DVL3: variants seen among roughly 807,000 people sequenced by gnomAD.
The protein encoded by DVL3 is dishevelled segment polarity protein 3.
In DVL3, 27 loss-of-function variants were observed where a neutral mutation model predicts 67.4. The ratio of observed to expected loss-of-function variants is 0.40; its 90% CI spans 0.30 to 0.55. DVL3 has a LOEUF of 0.55. Ranked by LOEUF, DVL3 falls within the 20% of genes least tolerant of loss-of-function variation. The pLI, the probability that DVL3 is intolerant of heterozygous loss-of-function variation, is 0.46. For missense variants in DVL3, 819 were observed against 1,021.5 expected (o/e 0.80, Z 2.70); for synonymous variants, 369 against 396.8 (o/e 0.93, Z 0.83).
At chr3:184,161,263 C>T (rs558800926) in intron 1 of DVL3, among the ~76,000 whole-genome samples, 17 of 152,244 alleles carry the variant, frequency 1.1e-4, no homozygotes, top group Non-Finnish European at 2.1e-4. Flanking sequence ...CCTATCTCTA[C>T]TAAAAATATA....
At position 184,171,002 on chromosome 3, in the gene DVL3, C is replaced by G; in HGVS notation, c.*247C>G. 6.8e-7 allele frequency: 1 copy of G among 1,464,130 alleles called. No homozygotes were observed. Among genetic ancestry groups the G allele is most frequent in the South Asian group, 1.3e-5 (1 of 79,836 alleles). The allele number at this position is 1,464,130 out of a possible 1,614,324, so 90.7% of individuals were successfully genotyped here. ...CCCACTAATCCCTGCGCAGGACTTC[C>G]CAGGACCCCTTTTGTCTCTGGGACC... is the stretch of plus-strand genomic sequence containing the variant. On this transcript the variant is annotated 3_prime_UTR_variant, in exon 15 of 15. Transcript: ENST00000313143.
At position 184,165,223 on chromosome 3, in the gene DVL3, G is replaced by T; in HGVS notation, c.693+17G>T. On this transcript the variant is annotated intron_variant, in intron 6 of 14. Coordinates refer to ENST00000313143, the MANE Select transcript of DVL3 (RefSeq NM_004423.4). The surrounding 1 kb of genome is among the most constrained non-coding windows in gnomAD (Gnocchi z 4.1). ...ATTGAGCGGGTATGGGGTCTGGGAG[G>T]CTAGGGATGGGTGGAGGCAGATTGT... The T allele has an allele frequency of 6.3e-7, 1 of 1,575,840 alleles. No homozygotes were observed. The highest frequency in any genetic ancestry group is 8.6e-7 in the Non-Finnish European group (1 of 1,159,860).
rs748286360 is a variant in DVL3, at chr3:184,165,168, C to T, written c.655C>T (p.Arg219Trp). The T allele has an allele frequency of 3.1e-6, 5 of 1,603,676 alleles. No individual in the cohort carries two copies. The highest frequency in any genetic ancestry group is 3.4e-6 in the Non-Finnish European group (4 of 1,175,156). The change falls in exon 6 of 15, where the codon CGG (arginine) becomes TGG (tryptophan). Residue 219 changes from arginine to tryptophan, a missense_variant. Transcript: ENST00000313143. This position sits in a 1 kb window ranked among gnomAD's most constrained non-coding sequence, Gnocchi z 4.1. ...SASRLMRRHK[R>W]RRRKQKVSRI... ...CTCACGCCTGATGAGAAGACACAAG[C>T]GGCGGCGGCGGAAGCAGAAGGTTTC... is the stretch of plus-strand genomic sequence containing the variant.
rs1714899975 is a variant in DVL3 at position 184,172,981 on chromosome 3, CT to C, written c.*2229del. On this transcript the variant is annotated 3_prime_UTR_variant, in exon 15 of 15. Transcript: ENST00000313143. The stretch of plus-strand genomic sequence containing the variant: ...AGTATCAGTGCTTCCATCGTTCCAT[CT>C]TTGATTCACTTCTCTTTCCTTTCTA... The C allele has an allele frequency of 6.6e-6, 1 of 152,294 alleles. No homozygotes were observed. Among genetic ancestry groups the C allele is most frequent in the Admixed American group, 6.5e-5 (1 of 15,276 alleles). The allele number at this position is 152,294 out of a possible 1,614,324, so 9.4% of individuals were successfully genotyped here.
rs1714451902 is a variant in DVL3 at position 184,163,391 on chromosome 3, G to A, written c.162-266G>A. On this transcript the variant is annotated intron_variant, in intron 1 of 14. Transcript: ENST00000313143. This position sits in a 1 kb window ranked among gnomAD's most constrained non-coding sequence, Gnocchi z 4.5. ...AGAGATTTTAGGGAGTGGCATGGGG[G>A]ACAGTGATGTGTCAGTTGTAATTTG... Among the ~76,000 whole-genome samples the A allele has an allele frequency of 6.6e-6, 1 of 152,200 alleles. No individual in the cohort carries two copies. Among genetic ancestry groups the A allele is most frequent in the Non-Finnish European group, 1.5e-5 (1 of 68,042 alleles).
chr3:184,165,000 G>A lies in DVL3; in HGVS notation c.599+69G>A, dbSNP rs563164795. 46 of 1,609,936 alleles carry A rather than the reference G, an allele frequency of 2.9e-5. No individual in the cohort carries two copies. The highest frequency in any genetic ancestry group is 1.3e-4 in the East Asian group (6 of 44,812). On this transcript the variant is annotated intron_variant, in intron 5 of 14. Transcript: ENST00000313143. This position sits in a 1 kb window ranked among gnomAD's most constrained non-coding sequence, Gnocchi z 5.3. ...GAGGAGCCCTAAACCCTGAGGATGC[G>A]GGGCCCCTGGGAGGCTTATGGGCTT...
In DVL3 at chr3:184,166,075, A is replaced by T. The variant is rs1577049574; in HGVS notation, c.764-51A>T. 1 of 1,593,912 alleles carries T rather than the reference A, an allele frequency of 6.3e-7. No individual in the cohort carries two copies. Among genetic ancestry groups the T allele is most frequent in the East Asian group, 2.2e-5 (1 of 44,818 alleles). Reference sequence around the variant, plus strand: ...CTTTCCATTTTCTAATGGGCTGGGAATGCGGGTAGGAACCTTGCTCCCCCT... The same window carrying T: ...CTTTCCATTTTCTAATGGGCTGGGATTGCGGGTAGGAACCTTGCTCCCCCT... On this transcript the variant is annotated intron_variant, in intron 7 of 14. Transcript: ENST00000313143. The surrounding 1 kb of genome is among the most constrained non-coding windows in gnomAD (Gnocchi z 6.7).
chr3:184,159,889 G>A (rs1714321123), intron 1 of DVL3, among the ~76,000 whole-genome samples: 3 of 151,938 alleles, frequency 2.0e-5, no homozygotes, highest in Admixed American at 2.0e-4. Flanking sequence ...TGGGCCCTCA[G>A]CCAAAGCATT....
chr3:184,170,584 T>A lies in DVL3; in HGVS notation c.1980T>A (p.Pro660=). 1 of 1,586,656 alleles carries A rather than the reference T, an allele frequency of 6.3e-7. No individual in the cohort carries two copies. Among genetic ancestry groups the A allele is most frequent in the Non-Finnish European group, 8.6e-7 (1 of 1,167,854 alleles). The change falls in exon 15 of 15, where the codon CCT becomes CCA. Residue 660 remains proline, a synonymous_variant. Transcript: ENST00000313143. The surrounding 1 kb of genome is among the most constrained non-coding windows in gnomAD (Gnocchi z 6.5). Reference sequence around the variant, plus strand: ...GCTACGGTCCTCCCGGAGTGCCCCCTCTCTACGGCCCCCCCATGCTGATGA... The same window carrying A: ...GCTACGGTCCTCCCGGAGTGCCCCCACTCTACGGCCCCCCCATGCTGATGA... ...HPSYGPPGVP[P]LYGPPMLMMP... is the part of the protein sequence containing the mutation.
intron 1 of DVL3, among the ~76,000 whole-genome samples, chr3:184,161,414 G>A (rs1488981673): frequency 2.6e-5 from 4 of 151,740 alleles, no homozygotes; most frequent in Non-Finnish European, 4.4e-5. Context: ...GTGACAGAGC[G>A]AGACTCCGTC....
In DVL3 at chr3:184,170,675, C is replaced by A; in HGVS notation, c.2071C>A (p.Pro691Thr). 6.2e-7 allele frequency: 1 copy of A among 1,613,238 alleles called. No individual in the cohort carries two copies. Among genetic ancestry groups the A allele is most frequent in the Non-Finnish European group, 8.5e-7 (1 of 1,179,694 alleles). ...TCCGGGCCGCGACCTGGCCTCAGTG[C>A]CCCCGGAACTGACCGCCAGCAGACA... ...APPGRDLASV[P>T]PELTASRQSF... The change falls in exon 15 of 15, where the codon CCC (proline) becomes ACC (threonine). Residue 691 changes from proline to threonine, a missense_variant. By Grantham distance (38) the Pro-to-Thr change is conservative. Coordinates refer to ENST00000313143, the MANE Select transcript of DVL3 (RefSeq NM_004423.4). This position sits in a 1 kb window ranked among gnomAD's most constrained non-coding sequence, Gnocchi z 6.5.
In DVL3 at chr3:184,170,157, C is replaced by A. The variant is rs748854675; in HGVS notation, c.1650C>A (p.His550Gln). 13 of 1,613,456 alleles carry A rather than the reference C, an allele frequency of 8.1e-6. No individual in the cohort carries two copies. ...CACCCCCGCACCCATACAACCCGCA[C>A]CCGGGCTTCCCGGAGCTGGGCTACA... is the stretch of plus-strand genomic sequence containing the variant. The part of the protein sequence containing the change: ...YPPPPHPYNP[H>Q]PGFPELGYSY... The change falls in exon 14 of 15, where the codon CAC becomes CAA. Residue 550 changes from histidine (H) to glutamine (Q), a missense_variant. Physicochemically the swap from His to Gln is conservative, Grantham distance 24. Coordinates refer to ENST00000313143, the MANE Select transcript of DVL3 (RefSeq NM_004423.4). The surrounding 1 kb of genome is among the most constrained non-coding windows in gnomAD (Gnocchi z 6.5).
At chr3:184,158,799 G>A (rs1714284813) in intron 1 of DVL3, among the ~76,000 whole-genome samples, 1 of 147,152 alleles carries the variant, frequency 6.8e-6, no homozygotes, top group Admixed American at 6.8e-5. Flanking sequence ...TTTTTTTGAG[G>A]AGTTTTGCTC....
Position 184,170,231 on chromosome 3 carries a change from A to G in DVL3, c.1714+10A>G. The G allele has an allele frequency of 6.2e-7, 1 of 1,611,902 alleles. No individual in the cohort carries two copies. ...AGTCAGCACAGCGAAGGTAAGGTAGAGGGGCCGTGGAGGAAGGCTATAGGT... is the reference window on the plus strand; with the variant it reads ...AGTCAGCACAGCGAAGGTAAGGTAGGGGGGCCGTGGAGGAAGGCTATAGGT... On this transcript the variant is annotated intron_variant, in intron 14 of 14. Coordinates refer to ENST00000313143, the MANE Select transcript of DVL3 (RefSeq NM_004423.4). The surrounding 1 kb of genome is among the most constrained non-coding windows in gnomAD (Gnocchi z 6.5).
Position 184,166,989 on chromosome 3 carries a change from C to T in DVL3, c.1198+14C>T. On this transcript the variant is annotated intron_variant, in intron 11 of 14. Coordinates refer to ENST00000313143, the MANE Select transcript of DVL3 (RefSeq NM_004423.4). The surrounding 1 kb of genome is among the most constrained non-coding windows in gnomAD (Gnocchi z 6.7). Reference sequence around the variant, plus strand: ...CTGACACAGAGCGTGAGTGTCCCACCCTGTCTCCTGGGCCCAGCAGACAGG... The same window carrying T: ...CTGACACAGAGCGTGAGTGTCCCACTCTGTCTCCTGGGCCCAGCAGACAGG... The T allele has an allele frequency of 6.2e-7, 1 of 1,613,534 alleles. No homozygotes were observed. The highest frequency in any genetic ancestry group is 1.1e-5 in the South Asian group (1 of 90,996).
intron 1 of DVL3, chr3:184,156,430 T>C (rs1714192136): frequency 2.2e-6 from 1 of 456,402 alleles, no homozygotes; most frequent in Admixed American, 2.4e-5. Flanking sequence ...CCCTGCGGAG[T>C]AGTCCTCACT....
intron 1 of DVL3, among the ~76,000 whole-genome samples, chr3:184,157,831 C>T (rs921429706): frequency 6.6e-6 from 1 of 152,074 alleles, no homozygotes; most frequent in Non-Finnish European, 1.5e-5. Flanking sequence ...GTTTGTATCC[C>T]CAGAAGGATA....
rs930397555 is a variant in DVL3, at chr3:184,155,870, G to A, written c.161+74G>A. 24 of 1,503,512 alleles carry A rather than the reference G, an allele frequency of 1.6e-5. No homozygotes were observed. The highest frequency in any genetic ancestry group is 7.5e-5 in the Admixed American group (4 of 53,100). The allele number at this position is 1,503,512 out of a possible 1,614,324, so 93.1% of individuals were successfully genotyped here. ...TCTAAGGGATGACGCGGTCCGTTTCGACTTGCCTCGCTACACCGGCTCCTA... is the reference window on the plus strand; with the variant it reads ...TCTAAGGGATGACGCGGTCCGTTTCAACTTGCCTCGCTACACCGGCTCCTA... On this transcript the variant is annotated intron_variant, in intron 1 of 14. Transcript: ENST00000313143. The surrounding 1 kb of genome is among the most constrained non-coding windows in gnomAD (Gnocchi z 5.4).
In DVL3 at chr3:184,155,665, G is replaced by A. The variant is rs551954207; in HGVS notation, c.30G>A (p.Leu10=). The change falls in exon 1 of 15, where the codon TTG becomes TTA. Residue 10 remains leucine (L), a synonymous_variant. Coordinates refer to ENST00000313143, the MANE Select transcript of DVL3 (RefSeq NM_004423.4). The surrounding 1 kb of genome is among the most constrained non-coding windows in gnomAD (Gnocchi z 5.4). MGETKIIYH[L]DGQETPYLVK... ...GCGAGACCAAGATCATCTACCACTT[G>A]GATGGGCAGGAGACGCCGTACCTTG... 1.9e-6 allele frequency: 3 copies of A among 1,607,142 alleles called. No individual in the cohort carries two copies. The highest frequency in any genetic ancestry group is 2.7e-5 in the African/African-American group (2 of 74,526).
Sources: allele counts gnomAD v4.1 joint callset (sites outside exome capture counted in the v4.1 genomes callset), GRCh38; gene constraint gnomAD v4.1.1; non-coding constraint Gnocchi (gnomAD v3.1); transcripts MANE v1.5; gene names NCBI Gene and HGNC (gene_info 2026-07-23, HGNC 2026-07-21).